The following P2RX5 variants were observed in gnomAD, a reference collection of about 807,000 sequenced individuals.
The protein encoded by P2RX5 is purinergic receptor P2X 5.
Under a neutral mutation model 54.1 loss-of-function variants are expected in P2RX5, and 46 were observed. The observed-to-expected ratio is 0.85, with a 90% CI of 0.67 to 1.09. P2RX5 has a LOEUF of 1.09. P2RX5 is among the 50% of genes least tolerant of loss of function. The pLI is 0.00. For missense variants in P2RX5, 566 were observed against 549.8 expected, an observed-to-expected ratio of 1.03 and a Z score of -0.29; for synonymous variants, 226 against 226.4, an observed-to-expected ratio of 1.00 and a Z score of 0.02.
chr17:3,697,686 G>A (rs1405943774), upstream of P2RX5, among the ~76,000 whole-genome samples: 1 of 152,206 alleles, frequency 6.6e-6, no homozygotes, highest in Non-Finnish European at 1.5e-5. Context: ...AATCTAAGAT[G>A]GGGCTGGGAA....
the P2RX5 span, among the ~76,000 whole-genome samples, chr17:3,719,450 T>C: frequency 1.4e-4 from 21 of 152,158 alleles, no homozygotes; most frequent in African/African-American, 4.6e-4. Flanking sequence ...AGCTCACAGA[T>C]AGATCACCTC....
intron 10 of P2RX5, among the ~76,000 whole-genome samples, chr17:3,680,278 C>G (rs2050220793): frequency 7.0e-6 from 1 of 142,740 alleles, no homozygotes; most frequent in African/African-American, 2.7e-5. Flanking sequence ...CCAGTGTCCT[C>G]CACCCTGCAT....
the P2RX5 span, among the ~76,000 whole-genome samples, chr17:3,713,679 G>A: frequency 6.6e-6 from 1 of 151,856 alleles, no homozygotes; most frequent in African/African-American, 2.4e-5. Flanking sequence ...GAACCCGGGA[G>A]GCGGAGGTTG....
chr17:3,681,308 T>C (rs1304715875), intron 10 of P2RX5, among the ~76,000 whole-genome samples: 1 of 152,146 alleles, frequency 6.6e-6, no homozygotes, highest in African/African-American at 2.4e-5. Context: ...TTCTGATCCC[T>C]GCTTCTCCAG....
chr17:3,679,812 G>C (rs2050188789), intron 10 of P2RX5, 28 bp from the exon 11 acceptor site: 1 of 1,598,290 alleles, frequency 6.3e-7, no homozygotes, highest in Non-Finnish European at 8.5e-7. Context: ...TGTTCACCTG[G>C]GACGGCCCTG....
the P2RX5 span, among the ~76,000 whole-genome samples, chr17:3,715,165 C>T: frequency 6.6e-6 from 1 of 152,180 alleles, no homozygotes; most frequent in Non-Finnish European, 1.5e-5. Context: ...TCCTCTGAAC[C>T]CTGCTCTCCC....
At chr17:3,699,840 GAAAGAAAAAGAAAAA>G (rs1567744206), upstream of P2RX5, among the ~76,000 whole-genome samples, 2 of 110,490 alleles carry the variant, frequency 1.8e-5, no homozygotes, top group African/African-American at 6.2e-5. Context: ...GAGAGAGAGA[GAAAGAAAAAGAAAAA>G]AGAAAGAAAG....
At chr17:3,716,850 A>G in the P2RX5 span, 1 of 988,402 alleles carries the variant, frequency 1.0e-6, no homozygotes, top group Non-Finnish European at 1.6e-6. Context: ...AAACAAGGAA[A>G]AAATCCTACA....
upstream of P2RX5, chr17:3,696,444 AT>A (rs2050760959): frequency 6.5e-6 from 1 of 152,892 alleles, no homozygotes; most frequent in African/African-American, 2.4e-5. Context: ...TTTTTATTTT[AT>A]TTTAAATTTA....
At position 3,673,827 on chromosome 17, in the gene P2RX5, G is replaced by A. The variant is rs368833029; in HGVS notation, c.*41C>T. 6 of 1,612,682 alleles carry A rather than the reference G, an allele frequency of 3.7e-6. No homozygotes were observed. The Admixed American group carries it at 5.0e-5, about 13-fold the overall frequency. ...GGCATGGGATCACTGGGTGCTAGACGGCTGGGTTTAGGACAGGGCCTGAAC... is the reference window on the plus strand; with the variant it reads ...GGCATGGGATCACTGGGTGCTAGACAGCTGGGTTTAGGACAGGGCCTGAAC... On this transcript the variant is annotated 3_prime_UTR_variant, in exon 12 of 12. Transcript: ENST00000225328.
chr17:3,677,920 C>G, intron 11 of P2RX5: 14 of 985,368 alleles, frequency 1.4e-5, no homozygotes, highest in Non-Finnish European at 1.7e-5. Flanking sequence ...CCTCACTCAG[C>G]AAAAAGCTTG....
At chr17:3,711,557 T>C in the P2RX5 span, among the ~76,000 whole-genome samples, 2 of 151,238 alleles carry the variant, frequency 1.3e-5, no homozygotes, top group East Asian at 2.0e-4. Flanking sequence ...TAATTTTGTA[T>C]TTTTAATGAA....
the P2RX5 span, among the ~76,000 whole-genome samples, chr17:3,721,417 AT>A: frequency 6.6e-6 from 1 of 151,320 alleles, no homozygotes; most frequent in Non-Finnish European, 1.5e-5. Context: ...GACTACAGGC[AT>A]GAGCCACCAT....
At chr17:3,722,669 G>A in the P2RX5 span, among the ~76,000 whole-genome samples, 1 of 152,260 alleles carries the variant, frequency 6.6e-6, no homozygotes, top group South Asian at 2.1e-4. Flanking sequence ...AGGGGCAGTG[G>A]GAGAGAAAGG....
chr17:3,697,685 T>C (rs1254652916), upstream of P2RX5, among the ~76,000 whole-genome samples: 2 of 152,218 alleles, frequency 1.3e-5, no homozygotes, highest in Non-Finnish European at 2.9e-5. Context: ...AAATCTAAGA[T>C]GGGGCTGGGA....
the P2RX5 span, chr17:3,714,711 T>C: frequency 2.0e-5 from 11 of 563,274 alleles, no homozygotes; most frequent in Admixed American, 3.1e-4. Flanking sequence ...TTTGGGACAA[T>C]GTATGGTTAA....
intron 11 of P2RX5, among the ~76,000 whole-genome samples, 160 bp from the exon 12 acceptor site, chr17:3,674,037 G>T (rs2050041979): frequency 6.6e-6 from 1 of 152,118 alleles, no homozygotes; most frequent in Admixed American, 6.5e-5. Flanking sequence ...GGCCAGGCGC[G>T]GTGGCTCATG....
Position 3,690,001 on chromosome 17 carries a change from C to G in P2RX5, c.614+69G>C, listed in dbSNP as rs1052256338. Reference sequence around the variant, plus strand: ...ACACACACCCCCAGGCAGAGACCCACGGAGGGCCAGCCAAGGCCCCTCATC... The same window carrying G: ...ACACACACCCCCAGGCAGAGACCCAGGGAGGGCCAGCCAAGGCCCCTCATC... On this transcript the variant is annotated intron_variant, in intron 6 of 11. Coordinates refer to ENST00000225328, the MANE Select transcript of P2RX5 (RefSeq NM_002561.4). The G allele has an allele frequency of 2.2e-6, 3 of 1,379,384 alleles. No homozygotes were observed. In the Admixed American group the frequency reaches 5.0e-5, roughly 23 times the overall value. 85.4% of individuals were successfully genotyped at this position (1,379,384 alleles called of 1,614,324 possible).
At chr17:3,696,880 A>C (rs2050768880), upstream of P2RX5, among the ~76,000 whole-genome samples, 1 of 152,134 alleles carries the variant, frequency 6.6e-6, no homozygotes, top group Non-Finnish European at 1.5e-5. Context: ...ACCTCGCGCC[A>C]GGTCTCCTGC....
Sources: gnomAD v4.1 joint callset for allele counts (sites outside exome capture counted in the v4.1 genomes callset) on GRCh38, gnomAD v4.1.1 for gene constraint, MANE v1.5 for transcripts, NCBI Gene and HGNC (gene_info 2026-07-23, HGNC 2026-07-21) for gene names.